The following NT5DC3 variants were observed in gnomAD, a reference collection of about 807,000 sequenced individuals.
NT5DC3 encodes the protein 5'-nucleotidase domain-containing protein 3.
Under a neutral mutation model 67.8 loss-of-function variants are expected in NT5DC3, and 42 were observed. That is an observed-to-expected ratio of 0.62 (90% CI 0.48 to 0.80). The LOEUF is 0.80. Among genes scored for constraint, NT5DC3 ranks in the 30% least tolerant of loss-of-function variants. NT5DC3 has a pLI of 0.00. For synonymous variants in NT5DC3, 237 were observed against 255.6 expected (o/e 0.93, Z 0.69); for missense variants, 570 against 696.4 (o/e 0.82, Z 2.04).
At chr12:103,787,340 A>G in intron 11 of NT5DC3, 101 bp downstream of exon 11, 1 of 543,094 alleles carries the variant, frequency 1.8e-6, no homozygotes, top group African/African-American at 1.9e-5. Context: ...AATAAAAGAT[A>G]TATTCTTAAA....
intron 3 of NT5DC3, 104 bp from the exon 4 acceptor site, chr12:103,806,481 C>A: frequency 1.2e-6 from 1 of 809,404 alleles, no homozygotes; most frequent in East Asian, 2.6e-5. Flanking sequence ...TTAGGCTGCC[C>A]TAACAAGGAA....
Position 103,777,754 on chromosome 12 carries a change from T to C in NT5DC3, c.*75A>G. ...TCTGTATCTTTTCCAAAAGCAACAC[T>C]CAGACCCACATGAAGTCAACCCCAT... On this transcript the variant is annotated 3_prime_UTR_variant, in exon 14 of 14. Transcript: ENST00000392876. 1 of 1,481,132 alleles carries C rather than the reference T, an allele frequency of 6.8e-7. No homozygotes were observed. The highest frequency in any genetic ancestry group is 9.1e-7 in the Non-Finnish European group (1 of 1,096,882). The allele number at this position is 1,481,132 out of a possible 1,614,324, so 91.7% of individuals were successfully genotyped here.
chr12:103,804,490 T>TA (rs1886715427), intron 4 of NT5DC3, among the ~76,000 whole-genome samples: 1 of 151,724 alleles, frequency 6.6e-6, no homozygotes, highest in African/African-American at 2.4e-5. Context: ...ACAGGGAAAG[T>TA]AGCAAAGGGA....
chr12:103,762,181 C>A, the NT5DC3 span: 1 of 1,539,898 alleles, frequency 6.5e-7, no homozygotes, highest in Non-Finnish European at 8.8e-7. Flanking sequence ...TTTTTATCCC[C>A]ACTGGCTCCA....
intron 1 of NT5DC3, among the ~76,000 whole-genome samples, chr12:103,837,726 T>C (rs1888212516): frequency 6.6e-6 from 1 of 152,250 alleles, no homozygotes; most frequent in African/African-American, 2.4e-5. Flanking sequence ...CTGAGACTAC[T>C]TCAGCCTGGA....
chr12:103,766,494 A>G (rs1228992519), downstream of NT5DC3: 2 of 827,178 alleles, frequency 2.4e-6, no homozygotes, highest in South Asian at 1.8e-5. Flanking sequence ...TCTGTGGGTG[A>G]GAGATGTGTT....
the NT5DC3 span, chr12:103,755,545 A>G: frequency 1.9e-6 from 3 of 1,609,976 alleles, no homozygotes; most frequent in East Asian, 2.2e-5. Flanking sequence ...TCACTCCCCA[A>G]GCAGAAGCAG....
intron 4 of NT5DC3, among the ~76,000 whole-genome samples, chr12:103,800,181 C>T (rs1886505328): frequency 6.6e-6 from 1 of 152,224 alleles, no homozygotes. Context: ...AAGATCACTT[C>T]AACCTCTTTC....
intron 6 of NT5DC3, 129 bp from the exon 7 acceptor site, chr12:103,794,126 C>A: frequency 1.9e-5 from 11 of 585,868 alleles, no homozygotes; most frequent in East Asian, 4.1e-5. Flanking sequence ...TACACAAAAT[C>A]TAAATTCTGG....
downstream of NT5DC3, among the ~76,000 whole-genome samples, chr12:103,768,087 CAAA>C (rs34935949): frequency 6.1e-4 from 53 of 87,188 alleles, no homozygotes; most frequent in African/African-American, 1.3e-3. Flanking sequence ...GACTCCTTCT[CAAA>C]AAAAAAAAAA....
chr12:103,763,771 G>A, the NT5DC3 span: 124 of 633,128 alleles, frequency 2.0e-4, no homozygotes, highest in African/African-American at 2.1e-3. Context: ...ACTGAAGCCA[G>A]TGTGGTTGCT....
intron 1 of NT5DC3, among the ~76,000 whole-genome samples, chr12:103,831,988 G>T (rs146681283): frequency 8.6e-5 from 13 of 151,958 alleles, no homozygotes; most frequent in Middle Eastern, 3.4e-3. Flanking sequence ...TGTTGCCCAG[G>T]CTGGTCTCAA....
downstream of NT5DC3, chr12:103,766,209 C>G (rs771379193): frequency 3.2e-6 from 5 of 1,575,968 alleles, no homozygotes; most frequent in Non-Finnish European, 4.4e-6. Context: ...ATGCCTCAGA[C>G]CAGTGGCCAC....
chr12:103,753,417 C>CTTTTTTTTTTTTTTTTTTTTTTTTTT, the NT5DC3 span: 1 of 1,609,226 alleles, frequency 6.2e-7, no homozygotes, highest in Non-Finnish European at 8.5e-7. Context: ...GCAGCCCTTT[C>CTTTTTTTTTTTTTTTTTTTTTTTTTT]TTAAGATGGG....
intron 9 of NT5DC3, 124 bp from the exon 10 acceptor site, chr12:103,789,043 A>G (rs778379732): frequency 2.9e-6 from 2 of 696,038 alleles, no homozygotes; most frequent in Non-Finnish European, 5.2e-6. Flanking sequence ...ACCCGAAACC[A>G]AAACTCCACC....
intron 1 of NT5DC3, among the ~76,000 whole-genome samples, chr12:103,837,008 T>C (rs1888178143): frequency 6.6e-6 from 1 of 152,176 alleles, no homozygotes; most frequent in South Asian, 2.1e-4. Flanking sequence ...CTAGCAGAAG[T>C]TCTACATGAG....
intron 1 of NT5DC3, among the ~76,000 whole-genome samples, chr12:103,836,454 C>T (rs1336180367): frequency 6.6e-6 from 1 of 152,120 alleles, no homozygotes; most frequent in African/African-American, 2.4e-5. Context: ...CCATGCATGT[C>T]CAAAATCCAG....
chr12:103,757,246 A>C, the NT5DC3 span, among the ~76,000 whole-genome samples: 3 of 150,940 alleles, frequency 2.0e-5, no homozygotes, highest in African/African-American at 7.3e-5. Context: ...ACACCACCAC[A>C]CTGGCTAATT....
chr12:103,830,453 T>C (rs1316856167), intron 1 of NT5DC3, among the ~76,000 whole-genome samples: 1 of 152,228 alleles, frequency 6.6e-6, no homozygotes. Flanking sequence ...AATTTTTTCT[T>C]TGAGTGTTTT....
Sources: gnomAD v4.1 joint callset for allele counts (sites outside exome capture counted in the v4.1 genomes callset) on GRCh38, gnomAD v4.1.1 for gene constraint, MANE v1.5 for transcripts, NCBI Gene and HGNC (gene_info 2026-07-23, HGNC 2026-07-21) for gene names.